Variants in PLAAT2 observed in about 807,000 individuals in gnomAD.
The protein encoded by PLAAT2 is phospholipase A and acyltransferase 2.
A neutral mutation model predicts 12.8 loss-of-function variants in PLAAT2; 12 were observed. That is an observed-to-expected ratio of 0.94 (90% CI 0.60 to 1.52). The LOEUF is 1.52. Among genes scored for constraint, PLAAT2 ranks in the 40% most tolerant of loss-of-function variants. The probability of loss-of-function intolerance (pLI) is 0.00; values close to 1 mark genes in which losing one functional copy is unlikely to be tolerated. For missense variants in PLAAT2, 166 were observed against 208.1 expected (o/e 0.80, Z 1.24); for synonymous variants, 79 against 86.8 (o/e 0.91, Z 0.50).
At chr11:63,553,562 A>T (rs1173037206) in intron 3 of PLAAT2, among the ~76,000 whole-genome samples, 1 of 151,874 alleles carries the variant, frequency 6.6e-6, no homozygotes. Context: ...AGGCAGGAAG[A>T]TGACTTGAGC....
At chr11:63,561,875 AT>A (rs1358349969) in intron 1 of PLAAT2, among the ~76,000 whole-genome samples, 16 of 152,154 alleles carry the variant, frequency 1.1e-4, no homozygotes, top group African/African-American at 3.9e-4. Flanking sequence ...TCAAAAAAAA[AT>A]AATAAAAATA....
chr11:63,563,783 CAG>C (rs1272120833), upstream of PLAAT2, among the ~76,000 whole-genome samples: 1 of 142,646 alleles, frequency 7.0e-6, no homozygotes, highest in Non-Finnish European at 1.5e-5. Context: ...TGTCTTCAAA[CAG>C]GGGCAGAGCA....
At chr11:63,558,358 G>A (rs1414783349) in intron 3 of PLAAT2, 34 bp downstream of exon 3, 1 of 1,606,232 alleles carries the variant, frequency 6.2e-7, no homozygotes, top group Non-Finnish European at 8.5e-7. Flanking sequence ...GAGTGGCCTG[G>A]CTCCTGGGAA....
chr11:63,563,522 T>C (rs1010422292), upstream of PLAAT2: 26 of 583,216 alleles, frequency 4.5e-5, no homozygotes, highest in Non-Finnish European at 5.8e-5. Context: ...ATCGAGACCA[T>C]CCTGACTAAC....
At chr11:63,558,908 T>C (rs1003316748) in intron 2 of PLAAT2, among the ~76,000 whole-genome samples, 2 of 152,212 alleles carry the variant, frequency 1.3e-5, no homozygotes, top group Non-Finnish European at 2.9e-5. Flanking sequence ...TGAGTTCAGA[T>C]ATACCTGAAA....
intron 1 of PLAAT2, among the ~76,000 whole-genome samples, chr11:63,562,812 A>T (rs552451236): frequency 4.5e-4 from 68 of 152,306 alleles, no homozygotes; most frequent in African/African-American, 1.5e-3. Context: ...GGAAGGAGGG[A>T]AAGTAGAGGG....
chr11:63,561,825 G>A (rs369591509), intron 1 of PLAAT2, among the ~76,000 whole-genome samples: 1 of 151,742 alleles, frequency 6.6e-6, no homozygotes, highest in African/African-American at 2.4e-5. Flanking sequence ...GACTAGAGGG[G>A]TCAAGAGTCA....
At chr11:63,564,017 G>A (rs559560355), upstream of PLAAT2, among the ~76,000 whole-genome samples, 1 of 152,290 alleles carries the variant, frequency 6.6e-6, no homozygotes, top group Admixed American at 6.5e-5. Context: ...AGGAGCCCCA[G>A]AGAGACTGAG....
At chr11:63,563,490 G>A (rs1051211892), upstream of PLAAT2, 54 of 705,104 alleles carry the variant, frequency 7.7e-5, no homozygotes, top group African/African-American at 4.8e-4. Context: ...AGGCTGAGGC[G>A]GGAGGATCAC....
intron 3 of PLAAT2, among the ~76,000 whole-genome samples, chr11:63,556,630 G>A (rs758534434): frequency 1.3e-5 from 2 of 152,080 alleles, no homozygotes; most frequent in South Asian, 2.1e-4. Context: ...AGTTAATAGC[G>A]TGGTCTCCCT....
chr11:63,561,348 C>T lies in PLAAT2; in HGVS notation c.10-1155G>A, dbSNP rs10128719. On this transcript the variant is annotated intron_variant, in intron 1 of 3. Coordinates refer to ENST00000255695, the MANE Select transcript of PLAAT2 (RefSeq NM_017878.2). Reference sequence around the variant, plus strand: ...AGGGTGGGAGTGGGTGAGGAATAAACGACTACACACTGGGGCTGGGTGTGG... The same window carrying T: ...AGGGTGGGAGTGGGTGAGGAATAAATGACTACACACTGGGGCTGGGTGTGG... Among the ~76,000 whole-genome samples the T allele has an allele frequency of 2.1e-3, 321 of 152,174 alleles. 1 individual carries two copies. The highest frequency in any genetic ancestry group is 7.3e-3 in the African/African-American group (305 of 41,528).
chr11:63,558,421 G>A lies in PLAAT2; in HGVS notation c.358C>T (p.Leu120=). The change falls in exon 3 of 4, where the codon CTG becomes TTG. Residue 120 remains leucine (L), a synonymous_variant. Transcript: ENST00000255695. Reference sequence around the variant, plus strand: ...TCACTGCGGGAGACGCCATAGCGCAGATGGTTCACGAAGTGCTCGCAGTTG... The same window carrying A: ...TCACTGCGGGAGACGCCATAGCGCAAATGGTTCACGAAGTGCTCGCAGTTG... The part of the protein sequence containing the change: ...SDNCEHFVNH[L]RYGVSRSDQV... The A allele has an allele frequency of 6.2e-7, 1 of 1,614,238 alleles. No individual in the cohort carries two copies. The highest frequency in any genetic ancestry group is 8.5e-7 in the Non-Finnish European group (1 of 1,180,042).
Position 63,552,885 on chromosome 11 carries a change from A to G in PLAAT2, c.*79T>C. ...TTCATGAACACAAAACAGTAAAATCAGTAAACCAAACTCCACTCCTGCTGG... is the reference window on the plus strand; with the variant it reads ...TTCATGAACACAAAACAGTAAAATCGGTAAACCAAACTCCACTCCTGCTGG... On this transcript the variant is annotated 3_prime_UTR_variant, in exon 4 of 4. Coordinates refer to ENST00000255695, the MANE Select transcript of PLAAT2 (RefSeq NM_017878.2). 3.2e-6 allele frequency: 3 copies of G among 927,282 alleles called. No homozygotes were observed. The highest frequency in any genetic ancestry group is 5.3e-6 in the Non-Finnish European group (3 of 569,604). The allele number at this position is 927,282 out of a possible 1,614,324, so 57.4% of individuals were successfully genotyped here.
Position 63,552,885 on chromosome 11 carries a change from A to C in PLAAT2, c.*79T>G. On this transcript the variant is annotated 3_prime_UTR_variant, in exon 4 of 4. Coordinates refer to ENST00000255695, the MANE Select transcript of PLAAT2 (RefSeq NM_017878.2). ...TTCATGAACACAAAACAGTAAAATC[A>C]GTAAACCAAACTCCACTCCTGCTGG... 1.1e-6 allele frequency: 1 copy of C among 927,282 alleles called. No individual in the cohort carries two copies. The highest frequency in any genetic ancestry group is 2.4e-5 in the East Asian group (1 of 41,228). 57.4% of individuals were successfully genotyped at this position (927,282 alleles called of 1,614,324 possible).
intron 1 of PLAAT2, 134 bp from the exon 2 acceptor site, chr11:63,560,327 A>C: frequency 4.7e-6 from 3 of 641,178 alleles, no homozygotes; most frequent in Non-Finnish European, 8.3e-6. Context: ...GGAAGGAGGG[A>C]GCACTCCTCA....
chr11:63,555,321 GA>G (rs35930900), intron 3 of PLAAT2, among the ~76,000 whole-genome samples: 8 of 151,736 alleles, frequency 5.3e-5, no homozygotes, highest in Non-Finnish European at 8.8e-5. Flanking sequence ...AAAACATTTG[GA>G]AAAAAAATTT....
At chr11:63,563,784 A>T (rs2017541017), upstream of PLAAT2, among the ~76,000 whole-genome samples, 1 of 151,944 alleles carries the variant, frequency 6.6e-6, no homozygotes, top group Non-Finnish European at 1.5e-5. Context: ...GTCTTCAAAC[A>T]GGGGCAGAGC....
chr11:63,558,379 G>T lies in PLAAT2; in HGVS notation c.387+13C>A. 1 of 1,611,372 alleles carries T rather than the reference G, an allele frequency of 6.2e-7. No homozygotes were observed. The highest frequency in any genetic ancestry group is 8.5e-7 in the Non-Finnish European group (1 of 1,177,896). ...CCTGGCTCCTGGGAAGGGGATGCAG[G>T]CTGAAGATGCACCTGGTCACTGCGG... On this transcript the variant is annotated intron_variant, in intron 3 of 3. Coordinates refer to ENST00000255695, the MANE Select transcript of PLAAT2 (RefSeq NM_017878.2).
At chr11:63,557,610 C>T (rs1245722616) in intron 3 of PLAAT2, among the ~76,000 whole-genome samples, 1 of 151,994 alleles carries the variant, frequency 6.6e-6, no homozygotes, top group Non-Finnish European at 1.5e-5. Flanking sequence ...AACCTGTGAA[C>T]TATTTTTGTA....
Sources: allele counts gnomAD v4.1 joint callset (sites outside exome capture counted in the v4.1 genomes callset), GRCh38; gene constraint gnomAD v4.1.1; transcripts MANE v1.5; gene names NCBI Gene and HGNC (gene_info 2026-07-23, HGNC 2026-07-21).